Variants in UVRAG observed in about 807,000 individuals in gnomAD.
UVRAG encodes the protein UV radiation resistance associated, also known as UV radiation resistance-associated gene protein.
In UVRAG, 19 loss-of-function variants were observed where a neutral mutation model predicts 78.0. The observed-to-expected ratio is 0.24, with a 90% CI of 0.17 to 0.36. The LOEUF is 0.36. UVRAG is among the 10% of genes least tolerant of loss of function. UVRAG has a pLI of 1.00. For missense variants in UVRAG, 740 were observed against 853.8 expected, an observed-to-expected ratio of 0.87 and a Z score of 1.66; for synonymous variants, 323 against 324.6, an observed-to-expected ratio of 1.00 and a Z score of 0.05.
intron 4 of UVRAG, among the ~76,000 whole-genome samples, chr11:75,886,577 T>G (rs1356813966): frequency 6.6e-6 from 1 of 152,236 alleles, no homozygotes; most frequent in Non-Finnish European, 1.5e-5. Context: ...TGAGATTGAT[T>G]TATAGTTTTT....
chr11:76,031,746 A>G (rs1294813038), intron 12 of UVRAG, among the ~76,000 whole-genome samples: 1 of 152,180 alleles, frequency 6.6e-6, no homozygotes, highest in East Asian at 1.9e-4. Context: ...GAGGAATAAT[A>G]TATTTAGTTA....
At chr11:76,089,745 T>C (rs887351980) in intron 13 of UVRAG, among the ~76,000 whole-genome samples, 2 of 152,190 alleles carry the variant, frequency 1.3e-5, no homozygotes, top group Non-Finnish European at 2.9e-5. Context: ...TCTAAATAAT[T>C]TGATAATGTT....
chr11:75,965,818 T>G (rs1243832281), intron 7 of UVRAG, among the ~76,000 whole-genome samples: 2 of 152,222 alleles, frequency 1.3e-5, no homozygotes, highest in African/African-American at 2.4e-5. Context: ...ATGCTAGTTA[T>G]TTATAGTTTT....
intron 1 of UVRAG, among the ~76,000 whole-genome samples, chr11:75,828,748 C>CACACACATATATATATATATATATAT (rs1945580868): frequency 1.3e-5 from 1 of 76,548 alleles, no homozygotes; most frequent in Non-Finnish European, 2.2e-5. Context: ...TATATATATA[C>CACACACATATATATATATATATATAT]ACACACATAT....
intron 6 of UVRAG, among the ~76,000 whole-genome samples, chr11:75,940,499 A>G (rs974224005): frequency 2.6e-5 from 4 of 152,184 alleles, no homozygotes; most frequent in Non-Finnish European, 5.9e-5. Context: ...ATTAATTTTA[A>G]TGATTCCTAA....
intron 12 of UVRAG, among the ~76,000 whole-genome samples, chr11:76,017,969 A>T (rs2135372113): frequency 6.6e-6 from 1 of 152,316 alleles, no homozygotes; most frequent in East Asian, 1.9e-4. Context: ...AGAATAAGAG[A>T]AAGGATAAAG....
chr11:75,816,930 G>A (rs1945273673), intron 1 of UVRAG, among the ~76,000 whole-genome samples: 1 of 152,236 alleles, frequency 6.6e-6, no homozygotes, highest in Non-Finnish European at 1.5e-5. Context: ...TAGGCAGGCA[G>A]AAGAGCTTAC....
chr11:75,831,491 AAAAC>A (rs57723773), intron 1 of UVRAG, among the ~76,000 whole-genome samples: 1 of 107,904 alleles, frequency 9.3e-6, no homozygotes, highest in South Asian at 2.5e-4. Context: ...TCCTTCTCAA[AAAAC>A]AAACAAACAA....
intron 7 of UVRAG, among the ~76,000 whole-genome samples, chr11:75,968,998 A>G (rs931824638): frequency 5.0e-4 from 76 of 152,230 alleles, no homozygotes; most frequent in African/African-American, 1.8e-3. Flanking sequence ...GGTAAAATAC[A>G]TATAAGATTT....
At chr11:75,965,373 G>A (rs898397675) in intron 7 of UVRAG, among the ~76,000 whole-genome samples, 1 of 152,104 alleles carries the variant, frequency 6.6e-6, no homozygotes, top group African/African-American at 2.4e-5. Context: ...GTGCAGTGGC[G>A]CGATCTCGGC....
At chr11:76,103,929 A>G (rs547595619) in intron 13 of UVRAG, among the ~76,000 whole-genome samples, 1 of 152,234 alleles carries the variant, frequency 6.6e-6, no homozygotes, top group African/African-American at 2.4e-5. Context: ...AATTTCTGAA[A>G]TCAAGAGAAG....
intron 12 of UVRAG, among the ~76,000 whole-genome samples, chr11:76,063,337 A>G (rs1951128321): frequency 6.6e-6 from 1 of 152,224 alleles, no homozygotes; most frequent in Admixed American, 6.5e-5. Flanking sequence ...ATAGTTCACA[A>G]TGATACAAGT....
intron 6 of UVRAG, among the ~76,000 whole-genome samples, chr11:75,956,350 A>G (rs548683523): frequency 6.8e-6 from 1 of 146,120 alleles, no homozygotes; most frequent in Non-Finnish European, 1.5e-5. Flanking sequence ...TGGCACTATT[A>G]TTTATTAGGC....
chr11:75,815,816 C>G (rs1945252593), intron 1 of UVRAG, among the ~76,000 whole-genome samples: 1 of 152,186 alleles, frequency 6.6e-6, no homozygotes, highest in Non-Finnish European at 1.5e-5. Flanking sequence ...CCGCCTCCCC[C>G]AACGCAGGGA....
chr11:75,910,686 T>C (rs1337055519), intron 5 of UVRAG, among the ~76,000 whole-genome samples: 15 of 152,014 alleles, frequency 9.9e-5, no homozygotes, highest in Admixed American at 9.8e-4. Context: ...GAGTAATTCA[T>C]GTAGAGCCAG....
chr11:75,898,427 C>T (rs1036867997), intron 5 of UVRAG, among the ~76,000 whole-genome samples: 4 of 152,024 alleles, frequency 2.6e-5, no homozygotes, highest in Non-Finnish European at 5.9e-5. Flanking sequence ...AATTGTCTAT[C>T]TCTCTCTCTT....
At chr11:76,087,331 G>T (rs993443549) in intron 13 of UVRAG, among the ~76,000 whole-genome samples, 6 of 152,194 alleles carry the variant, frequency 3.9e-5, no homozygotes, top group Non-Finnish European at 5.9e-5. Context: ...ATGGTAGGTA[G>T]TGTTTTTAAA....
intron 5 of UVRAG, among the ~76,000 whole-genome samples, chr11:75,889,862 AG>A (rs1204929914): frequency 6.6e-6 from 1 of 152,250 alleles, no homozygotes; most frequent in Non-Finnish European, 1.5e-5. Context: ...ATGCTATATA[AG>A]CATATAATGA....
At chr11:75,914,534 C>T (rs925487030) in intron 6 of UVRAG, 2 of 152,222 alleles carry the variant, frequency 1.3e-5, no homozygotes, top group Non-Finnish European at 2.9e-5. Context: ...CGCTCTGTCA[C>T]CCAGGTTGGA....
Sources: allele counts gnomAD v4.1 joint callset (sites outside exome capture counted in the v4.1 genomes callset), GRCh38; gene constraint gnomAD v4.1.1; transcripts MANE v1.5; gene names NCBI Gene and HGNC (gene_info 2026-07-23, HGNC 2026-07-21).